Variants in ANKIB1 observed in about 807,000 individuals in gnomAD.
The protein encoded by ANKIB1 is ankyrin repeat and IBR domain-containing protein 1.
ANKIB1 carries 43 observed loss-of-function variants against 122.1 expected under a neutral mutation model. The ratio of observed to expected loss-of-function variants is 0.35; its 90% CI spans 0.28 to 0.45. The LOEUF is 0.45. Among genes scored for constraint, ANKIB1 ranks in the 20% least tolerant of loss-of-function variants. ANKIB1 has a pLI of 1.00. For synonymous variants in ANKIB1, 390 were observed against 442.0 expected, an observed-to-expected ratio of 0.88 and a Z score of 1.48; for missense variants, 992 against 1,329.5, an observed-to-expected ratio of 0.75 and a Z score of 3.95.
intron 11 of ANKIB1, among the ~76,000 whole-genome samples, chr7:92,374,748 G>A (rs1585132065): frequency 6.6e-6 from 1 of 151,834 alleles, no homozygotes; most frequent in East Asian, 1.9e-4. Context: ...AAGAAAACCA[G>A]GAGAAAGGTT....
In ANKIB1 at chr7:92,392,268, A is replaced by C. The variant is rs780558143; in HGVS notation, c.2259A>C (p.Glu753Asp). The change falls in exon 17 of 20, where the codon GAA becomes GAC. Residue 753 changes from glutamate (E) to aspartate (D), a missense_variant. Glu to Asp is a conservative substitution (Grantham distance 45). Coordinates refer to ENST00000265742, the MANE Select transcript of ANKIB1 (RefSeq NM_019004.2). ...TTGCTGGTGGAACATGGGATTGGGAATATTTAGGATTTGCATCACCAGAGG... is the reference window on the plus strand; with the variant it reads ...TTGCTGGTGGAACATGGGATTGGGACTATTTAGGATTTGCATCACCAGAGG... ...RSFAGGTWDW[E>D]YLGFASPEEY... 6.2e-7 allele frequency: 1 copy of C among 1,610,838 alleles called. No homozygotes were observed. Among genetic ancestry groups the C allele is most frequent in the South Asian group, 1.1e-5 (1 of 90,532 alleles).
chr7:92,276,802 A>G (rs145076245), intron 1 of ANKIB1, among the ~76,000 whole-genome samples: 553 of 152,362 alleles, frequency 3.6e-3, no homozygotes, highest in African/African-American at 0.012. Flanking sequence ...TAATCAGGGT[A>G]CACATGAAAG....
At chr7:92,353,654 A>G (rs898169494) in intron 9 of ANKIB1, among the ~76,000 whole-genome samples, 3 of 152,226 alleles carry the variant, frequency 2.0e-5, no homozygotes, top group African/African-American at 7.2e-5. Flanking sequence ...TACCTTCGCC[A>G]TCATCATTAG....
chr7:92,329,089 T>TC (rs1184029513), intron 5 of ANKIB1, among the ~76,000 whole-genome samples: 2 of 151,318 alleles, frequency 1.3e-5, no homozygotes, highest in African/African-American at 4.9e-5. Context: ...TGCCTCAGCC[T>TC]CCTGAGTAGC....
chr7:92,381,054 G>C (rs1024523852), intron 11 of ANKIB1, among the ~76,000 whole-genome samples: 1 of 152,122 alleles, frequency 6.6e-6, no homozygotes, highest in African/African-American at 2.4e-5. Flanking sequence ...GTGTAGAGAA[G>C]ACCTTAAATG....
At chr7:92,306,667 CT>C (rs948930334) in intron 2 of ANKIB1, among the ~76,000 whole-genome samples, 1 of 152,104 alleles carries the variant, frequency 6.6e-6, no homozygotes, top group African/African-American at 2.4e-5. Context: ...CACCTGGCAC[CT>C]TAATCTTGGA....
chr7:92,372,948 T>C (rs571030943), intron 11 of ANKIB1, among the ~76,000 whole-genome samples: 2 of 152,244 alleles, frequency 1.3e-5, no homozygotes, highest in South Asian at 4.2e-4. Flanking sequence ...CAGTAAAATA[T>C]AATAATATCT....
intron 1 of ANKIB1, among the ~76,000 whole-genome samples, chr7:92,288,278 A>G (rs1386722672): frequency 2.0e-5 from 3 of 152,230 alleles, no homozygotes; most frequent in African/African-American, 4.8e-5. Context: ...ATAGGTACTT[A>G]GGTATAAATC....
Position 92,285,220 on chromosome 7 carries a change from G to T in ANKIB1, c.-90-9669G>T, listed in dbSNP as rs181078855. On this transcript the variant is annotated intron_variant, in intron 1 of 19. Transcript: ENST00000265742. ...TTAGTAGATGGGGTTTCACCATGTT[G>T]GCCAGGCTGATCTCGAACTCCTGAC... Among the ~76,000 whole-genome samples the T allele has an allele frequency of 5.1e-4, 77 of 152,176 alleles. 1 individual carries two copies. In the East Asian group the frequency reaches 9.9e-3, roughly 20 times the overall value.
Position 92,309,194 on chromosome 7 carries a change from A to G in ANKIB1, c.486+1538A>G, listed in dbSNP as rs142542281. On this transcript the variant is annotated intron_variant, in intron 3 of 19. Transcript: ENST00000265742. The stretch of plus-strand genomic sequence containing the variant: ...CATTGAGTTTGTGTAACCTTTACCC[A>G]TTAGTTAGTTAGTGATGGTCATTAA... Among the ~76,000 whole-genome samples the G allele has an allele frequency of 3.5e-4, 53 of 152,290 alleles. 2 individuals are homozygous for G. In the East Asian group the frequency reaches 9.7e-3, roughly 28 times the overall value.
At chr7:92,287,552 T>G (rs1802157099) in intron 1 of ANKIB1, among the ~76,000 whole-genome samples, 1 of 152,128 alleles carries the variant, frequency 6.6e-6, no homozygotes, top group African/African-American at 2.4e-5. Context: ...CTGGTCAGAG[T>G]ATTAATCTCC....
At chr7:92,273,795 C>CA (rs757767250) in intron 1 of ANKIB1, among the ~76,000 whole-genome samples, 13 of 148,016 alleles carry the variant, frequency 8.8e-5, no homozygotes, top group Non-Finnish European at 1.5e-4. Flanking sequence ...TTTTTTGAGA[C>CA]AGGGAATCAC....
intron 3 of ANKIB1, among the ~76,000 whole-genome samples, chr7:92,315,372 A>G (rs1585103383): frequency 1.3e-5 from 2 of 152,340 alleles, no homozygotes; most frequent in East Asian, 1.9e-4. Context: ...TAAAGAATAT[A>G]GACACTCATT....
At chr7:92,329,134 A>G (rs916311388) in intron 5 of ANKIB1, among the ~76,000 whole-genome samples, 15 of 151,730 alleles carry the variant, frequency 9.9e-5, no homozygotes, top group African/African-American at 2.2e-4. Context: ...CACCCGGCTA[A>G]TTTTTGTATT....
chr7:92,314,549 A>G (rs927440532), intron 3 of ANKIB1, among the ~76,000 whole-genome samples: 3 of 152,184 alleles, frequency 2.0e-5, no homozygotes, highest in Non-Finnish European at 4.4e-5. Context: ...TAGTTTAACA[A>G]AATCCCAAAG....
At chr7:92,250,909 T>C (rs1226777653) in intron 1 of ANKIB1, among the ~76,000 whole-genome samples, 1 of 152,222 alleles carries the variant, frequency 6.6e-6, no homozygotes, top group Admixed American at 6.5e-5. Context: ...CCAAAAACTG[T>C]TAGCAGTTTG....
At chr7:92,247,855 A>G (rs552292303) in intron 1 of ANKIB1, among the ~76,000 whole-genome samples, 2 of 152,328 alleles carry the variant, frequency 1.3e-5, no homozygotes, top group East Asian at 1.9e-4. Context: ...TTGTCATTTC[A>G]TTAAGAAAGA....
At position 92,397,822 on chromosome 7, in the gene ANKIB1, C is replaced by T. The variant is rs745548591; in HGVS notation, c.2495C>T (p.Thr832Ile). The T allele has an allele frequency of 6.2e-7, 1 of 1,607,568 alleles. No homozygotes were observed. Among genetic ancestry groups the T allele is most frequent in the Non-Finnish European group, 8.5e-7 (1 of 1,178,060 alleles). ...VLHSSSLRDY[T>I]PASRSENQDS... ...CACAGCTCTTCCCTGCGTGACTACA[C>T]CCCTGCCAGTCGCTCTGAAAACCAG... Residue 832 changes from threonine (T) to isoleucine (I), a missense_variant, in exon 19 of 20, where the codon ACC becomes ATC. Around this residue, in one of 4 missense-constraint regions of ANKIB1, gnomAD observed 384 missense variants for 412.0 expected, o/e 0.93. Coordinates refer to ENST00000265742, the MANE Select transcript of ANKIB1 (RefSeq NM_019004.2).
At chr7:92,307,753 TTG>T in intron 3 of ANKIB1, 97 bp downstream of exon 3, 1 of 1,020,610 alleles carries the variant, frequency 9.8e-7, no homozygotes, top group Non-Finnish European at 1.3e-6. Context: ...TCTTAGTAAT[TTG>T]GTCATTTTTT....
Sources: gnomAD v4.1 joint callset for allele counts (sites outside exome capture counted in the v4.1 genomes callset) on GRCh38, gnomAD v4.1.1 for gene constraint, gnomAD v4.1.1 regional missense constraint, MANE v1.5 for transcripts, NCBI Gene and HGNC (gene_info 2026-07-23, HGNC 2026-07-21) for gene names.